RAPGEF6: variants seen among roughly 807,000 people sequenced by gnomAD.
RAPGEF6 encodes the protein PDZ domain containing guanine nucleotide exchange factor (GEF) 2.
In RAPGEF6, 56 loss-of-function variants were observed where a neutral mutation model predicts 171.4. The observed-to-expected ratio is 0.33, with a 90% CI of 0.26 to 0.41. The LOEUF is 0.41. RAPGEF6 is among the 10% of genes least tolerant of loss of function. RAPGEF6 has a pLI of 1.00. For missense variants in RAPGEF6, 1,674 were observed against 1,921.4 expected (o/e 0.87, Z 2.41); for synonymous variants, 692 against 650.1 (o/e 1.06, Z -0.98).
At chr5:131,461,575 C>A in intron 19 of RAPGEF6, 130 bp downstream of exon 19, 1 of 888,276 alleles carries the variant, frequency 1.1e-6, no homozygotes, top group South Asian at 2.8e-5. Context: ...TACATTAAAT[C>A]TAACAACACT....
intron 3 of RAPGEF6, among the ~76,000 whole-genome samples, chr5:131,596,410 A>C (rs184428850): frequency 2.0e-5 from 3 of 151,014 alleles, no homozygotes; most frequent in East Asian, 1.9e-4. Context: ...TAACACACAC[A>C]CCCCAAACAC....
intron 21 of RAPGEF6, among the ~76,000 whole-genome samples, chr5:131,448,142 G>A (rs1258282785): frequency 1.3e-5 from 2 of 152,122 alleles, no homozygotes; most frequent in Non-Finnish European, 2.9e-5. Flanking sequence ...AAGAAATGGT[G>A]CATTACCAAC....
chr5:131,604,707 G>GA lies in RAPGEF6; in HGVS notation c.70-15dup, dbSNP rs1291862586. 8 of 1,586,994 alleles carry GA rather than the reference G, an allele frequency of 5.0e-6. No homozygotes were observed. In the South Asian group the frequency reaches 5.8e-5, roughly 11 times the overall value. ...AGTATTTAAGTCCTGTGGAACAGAA[G>GA]AAAAAAATTAGATTATTTTTCAAAT... On this transcript the variant is annotated splice_polypyrimidine_tract_variant and intron_variant, in intron 1 of 27. Transcript: ENST00000509018.
At chr5:131,495,725 C>T (rs983675293) in intron 12 of RAPGEF6, 65 bp from the exon 13 acceptor site, 1 of 1,543,134 alleles carries the variant, frequency 6.5e-7, no homozygotes, top group East Asian at 2.4e-5. Flanking sequence ...AAGTGGATTC[C>T]AAAAGCATGT....
intron 6 of RAPGEF6, among the ~76,000 whole-genome samples, chr5:131,526,962 G>T (rs543634673): frequency 2.6e-5 from 4 of 152,232 alleles, no homozygotes; most frequent in African/African-American, 7.2e-5. Flanking sequence ...GGAAAGAGAG[G>T]TATTGAGAAA....
chr5:131,489,158 G>T (rs1237421029), intron 15 of RAPGEF6, among the ~76,000 whole-genome samples: 1 of 152,138 alleles, frequency 6.6e-6, no homozygotes, highest in East Asian at 1.9e-4. Flanking sequence ...ACTTCAGAAA[G>T]CTGGCTTAAA....
intron 27 of RAPGEF6, among the ~76,000 whole-genome samples, chr5:131,427,836 A>G (rs906061380): frequency 1.3e-5 from 2 of 152,192 alleles, no homozygotes; most frequent in Admixed American, 6.5e-5. Context: ...TGCGGGGTAC[A>G]GTGGCTCACA....
intron 1 of RAPGEF6, among the ~76,000 whole-genome samples, chr5:131,605,940 G>C (rs1024681770): frequency 7.0e-6 from 1 of 143,636 alleles, no homozygotes; most frequent in African/African-American, 2.6e-5. Flanking sequence ...TAAGGCAGGA[G>C]AATGGCGTGA....
At chr5:131,484,100 A>T (rs1299223997) in intron 15 of RAPGEF6, among the ~76,000 whole-genome samples, 2 of 151,108 alleles carry the variant, frequency 1.3e-5, no homozygotes, top group African/African-American at 4.8e-5. Context: ...CATCTCAAAA[A>T]AAAAAAAAAA....
chr5:131,541,978 A>ATACAG (rs10630069), intron 6 of RAPGEF6, among the ~76,000 whole-genome samples: 116,411 of 151,396 alleles, frequency 0.77, 44,995 homozygotes, highest in Middle Eastern at 0.82. Flanking sequence ...TACACATTCT[A>ATACAG]TAAAGTGACT....
At chr5:131,481,521 G>T (rs972007133) in intron 15 of RAPGEF6, among the ~76,000 whole-genome samples, 4 of 152,072 alleles carry the variant, frequency 2.6e-5, no homozygotes, top group Non-Finnish European at 4.4e-5. Context: ...TTAAGCCACC[G>T]TGCCCGGCCT....
chr5:131,455,693 T>A (rs917134532), intron 20 of RAPGEF6, 108 bp downstream of exon 20: 1 of 897,616 alleles, frequency 1.1e-6, no homozygotes, highest in African/African-American at 1.7e-5. Context: ...TAAAATAGTG[T>A]ATAGTTACCA....
At chr5:131,435,880 GT>G (rs2149808702) in intron 24 of RAPGEF6, 2 of 1,446,832 alleles carry the variant, frequency 1.4e-6, no homozygotes. Context: ...TTGACAAATG[GT>G]TTAATTTAAG....
intron 15 of RAPGEF6, among the ~76,000 whole-genome samples, chr5:131,484,108 A>AG (rs1755698216): frequency 6.6e-6 from 1 of 151,376 alleles, no homozygotes. Flanking sequence ...AAAAAAAAAA[A>AG]AAAAGACTTT....
intron 6 of RAPGEF6, among the ~76,000 whole-genome samples, chr5:131,523,270 T>C (rs574080486): frequency 6.7e-6 from 1 of 150,298 alleles, no homozygotes; most frequent in East Asian, 2.0e-4. Context: ...ATACAGTTTC[T>C]GTTGTATGCT....
chr5:131,499,744 T>A (rs138738593), intron 11 of RAPGEF6, among the ~76,000 whole-genome samples: 3 of 152,136 alleles, frequency 2.0e-5, no homozygotes, highest in African/African-American at 7.2e-5. Flanking sequence ...AAAACTGTTA[T>A]CCATAACACC....
At chr5:131,585,876 C>T (rs997722037) in intron 4 of RAPGEF6, among the ~76,000 whole-genome samples, 2 of 152,124 alleles carry the variant, frequency 1.3e-5, no homozygotes, top group East Asian at 3.9e-4. Context: ...TACCTATGAC[C>T]TGGAAGCCCC....
intron 20 of RAPGEF6, among the ~76,000 whole-genome samples, chr5:131,454,376 C>T (rs1753332108): frequency 6.6e-6 from 1 of 152,034 alleles, no homozygotes; most frequent in Admixed American, 6.5e-5. Flanking sequence ...TCTCACTTTT[C>T]AATAATAACC....
At chr5:131,615,272 A>C (rs536542770) in intron 1 of RAPGEF6, among the ~76,000 whole-genome samples, 1 of 152,172 alleles carries the variant, frequency 6.6e-6, no homozygotes, top group Admixed American at 6.5e-5. Flanking sequence ...CAGAATAAAG[A>C]ATGGTTGTAG....
Sources: gnomAD v4.1 joint callset for allele counts (sites outside exome capture counted in the v4.1 genomes callset) on GRCh38, gnomAD v4.1.1 for gene constraint, MANE v1.5 for transcripts, NCBI Gene and HGNC (gene_info 2026-07-23, HGNC 2026-07-21) for gene names.